AKR1C2: variants seen among roughly 807,000 people sequenced by gnomAD.
AKR1C2 encodes the protein 3-alpha-HSD3.
In AKR1C2, 27 loss-of-function variants were observed where a neutral mutation model predicts 39.8. The observed-to-expected ratio is 0.68, with a 90% CI of 0.50 to 0.93. The LOEUF (loss-of-function observed/expected upper bound fraction) is 0.93. Among genes scored for constraint, AKR1C2 ranks in the 40% least tolerant of loss-of-function variants. The pLI is 0.00. For missense variants in AKR1C2, 263 were observed against 365.1 expected, an observed-to-expected ratio of 0.72 and a Z score of 2.28; for synonymous variants, 114 against 137.9, an observed-to-expected ratio of 0.83 and a Z score of 1.22.
upstream of AKR1C2, chr10:5,006,077 G>C (rs1290208235): frequency 1.3e-5 from 2 of 152,178 alleles, no homozygotes; most frequent in Non-Finnish European, 2.9e-5. Context: ...CAAGAATAAA[G>C]AAATGTGAAC....
At chr10:5,009,840 G>C (rs1554774728) in intron 1 of AKR1C2, among the ~76,000 whole-genome samples, 1 of 150,558 alleles carries the variant, frequency 6.6e-6, no homozygotes, top group East Asian at 2.0e-4. Flanking sequence ...AGGGACATTG[G>C]ACACTGAAAG....
chr10:5,006,733 A>T (rs1837413732), upstream of AKR1C2: 2 of 142,008 alleles, frequency 1.4e-5, no homozygotes, highest in Admixed American at 1.4e-4. Context: ...AATGTGATCA[A>T]TAAAAAAAAA....
upstream of AKR1C2, among the ~76,000 whole-genome samples, chr10:5,005,096 G>A (rs1286199853): frequency 2.0e-5 from 3 of 151,938 alleles, no homozygotes; most frequent in Admixed American, 6.6e-5. Flanking sequence ...AAGGCCAGGG[G>A]AAGAGACATG....
At chr10:5,010,641 A>T (rs1322367323) in intron 1 of AKR1C2, 3 of 152,204 alleles carry the variant, frequency 2.0e-5, no homozygotes, top group Non-Finnish European at 4.4e-5. Context: ...GCTGGGTTGC[A>T]GCACTCTTCC....
intron 1 of AKR1C2, chr10:5,010,782 AAGTT>A (rs781915983): frequency 9.9e-5 from 15 of 152,246 alleles, no homozygotes; most frequent in Admixed American, 2.6e-4. Context: ...TATTTTCAAA[AAGTT>A]AGACGTGCAA....
chr10:4,993,003 TAA>T (rs1309454415), intron 7 of AKR1C2, among the ~76,000 whole-genome samples: 1 of 152,166 alleles, frequency 6.6e-6, no homozygotes, highest in Non-Finnish European at 1.5e-5. Flanking sequence ...ATATATTTAT[TAA>T]GAGATGATTT....
rs1259793686 is a variant in AKR1C2, at chr10:4,990,089, T to A, written c.930-51A>T. On this transcript the variant is annotated intron_variant, in intron 8 of 8. Coordinates refer to ENST00000380753, the MANE Select transcript of AKR1C2 (RefSeq NM_001393392.1). ...CTCTGAATGGCAATGACTCCGTTAC[T>A]AGCCCGTAGCGCAGTGATTTCTAGG... 7.5e-6 allele frequency: 12 copies of A among 1,608,212 alleles called. 1 individual carries two copies. The highest frequency in any genetic ancestry group is 1.0e-5 in the Non-Finnish European group (12 of 1,177,160).
rs572513655 is a variant in AKR1C2 at position 4,990,084 on chromosome 10, G to A, written c.930-46C>T. 146 of 1,608,356 alleles carry A rather than the reference G, an allele frequency of 9.1e-5. 1 individual carries two copies. The South Asian group carries it at 1.3e-3, about 14-fold the overall frequency. ...GCACACTCTGAATGGCAATGACTCC[G>A]TTACTAGCCCGTAGCGCAGTGATTT... On this transcript the variant is annotated intron_variant, in intron 8 of 8. Transcript: ENST00000380753.
intron 8 of AKR1C2, among the ~76,000 whole-genome samples, chr10:4,990,337 A>G (rs1836792134): frequency 6.6e-6 from 1 of 152,204 alleles, no homozygotes; most frequent in South Asian, 2.1e-4. Context: ...TCTGTCAACA[A>G]AGAGATATTC....
chr10:4,992,826 A>T (rs9732372), intron 7 of AKR1C2, among the ~76,000 whole-genome samples: 43,406 of 151,722 alleles, frequency 0.29, 6,883 homozygotes, highest in East Asian at 0.63. Flanking sequence ...AGCATGCGCC[A>T]GCAGTCCCAG....
chr10:5,006,845 G>C (rs1245484192), upstream of AKR1C2, among the ~76,000 whole-genome samples: 3 of 150,566 alleles, frequency 2.0e-5, no homozygotes, highest in Non-Finnish European at 4.4e-5. Context: ...GTACATCTCA[G>C]CTCACTGCAA....
upstream of AKR1C2, chr10:5,006,350 CAAG>C (rs1837401727): frequency 6.6e-6 from 1 of 152,150 alleles, no homozygotes; most frequent in Non-Finnish European, 1.5e-5. Context: ...CTTTAAATAA[CAAG>C]AGATTTTGGG....
chr10:5,017,286 G>T (rs1204434429), intron 1 of AKR1C2, among the ~76,000 whole-genome samples: 1 of 152,054 alleles, frequency 6.6e-6, no homozygotes. Flanking sequence ...TTTATCTTCT[G>T]CTTCCCTTTT....
chr10:4,993,138 T>C (rs1419798678), intron 7 of AKR1C2, among the ~76,000 whole-genome samples: 2 of 152,186 alleles, frequency 1.3e-5, no homozygotes, highest in African/African-American at 4.8e-5. Context: ...GACTAAAACA[T>C]TTACTTGCCT....
intron 1 of AKR1C2, 133 bp from the exon 2 acceptor site, chr10:5,001,814 C>T: frequency 8.3e-7 from 1 of 1,209,912 alleles, no homozygotes; most frequent in South Asian, 1.4e-5. Flanking sequence ...ATCATAAGCC[C>T]ATCCCAGTCT....
chr10:4,997,820 AT>A (rs1365899982), intron 5 of AKR1C2, among the ~76,000 whole-genome samples: 7 of 152,242 alleles, frequency 4.6e-5, no homozygotes, highest in Admixed American at 4.6e-4. Flanking sequence ...TGTGTGTAAC[AT>A]TTGGGGGCAG....
At position 4,987,868 on chromosome 10, in the gene AKR1C2, A is replaced by C. The variant is rs568594759; in HGVS notation, c.*2128T>G. The C allele has an allele frequency of 7.0e-6, 1 of 142,092 alleles. No individual in the cohort carries two copies. Among genetic ancestry groups the C allele is most frequent in the Non-Finnish European group, 1.5e-5 (1 of 65,808 alleles). 8.8% of individuals were successfully genotyped at this position (142,092 alleles called of 1,614,324 possible). A position where few individuals can be genotyped will look rare whatever the true frequency, so the allele number is the denominator to read the frequency against. ...TGGCTGTAAGTTACTATTTCCTTTC[A>C]TTCAACCTGAATTCCTCCCTTCAGC... On this transcript the variant is annotated 3_prime_UTR_variant, in exon 9 of 9. Transcript: ENST00000380753.
In AKR1C2 at chr10:5,003,852, G is replaced by C. The variant is rs377207120; in HGVS notation, c.-17C>G. On this transcript the variant is annotated 5_prime_UTR_variant, in exon 1 of 9. Transcript: ENST00000380753. ...CGAATCCATTTCTGTCACTGGCCTG[G>C]TTAGCAAATGTTTCTTCCTCCCTCA... 1.3e-4 allele frequency: 203 copies of C among 1,613,856 alleles called. 6 individuals are homozygous for C. The highest frequency in any genetic ancestry group is 9.4e-4 in the East Asian group (42 of 44,896).
upstream of AKR1C2, among the ~76,000 whole-genome samples, chr10:5,006,250 A>G (rs147055993): frequency 4.0e-3 from 610 of 152,354 alleles, 4 homozygotes; most frequent in African/African-American, 0.014. Context: ...AAATTCAAGT[A>G]ACTTAAAGAA....
Sources: gnomAD v4.1 joint callset for allele counts (sites outside exome capture counted in the v4.1 genomes callset) on GRCh38, gnomAD v4.1.1 for gene constraint, MANE v1.5 for transcripts, NCBI Gene and HGNC (gene_info 2026-07-23, HGNC 2026-07-21) for gene names.